The following GPC6 variants were observed in gnomAD, a reference collection of about 807,000 sequenced individuals.
GPC6 encodes glypican-6.
GPC6 carries 14 observed loss-of-function variants against 55.2 expected under a neutral mutation model. That is an observed-to-expected ratio of 0.25 (90% CI 0.17 to 0.40). The LOEUF is 0.40. Ranked by LOEUF, GPC6 falls within the 10% of genes least tolerant of loss-of-function variation. The pLI is 1.00. For missense variants in GPC6, 641 were observed against 708.5 expected (o/e 0.90, Z 1.08); for synonymous variants, 278 against 259.6 (o/e 1.07, Z -0.68).
chr13:93,440,770 G>A (rs1426058132), intron 1 of GPC6, among the ~76,000 whole-genome samples: 1 of 151,936 alleles, frequency 6.6e-6, no homozygotes, highest in Non-Finnish European at 1.5e-5. Context: ...ATGTATACAT[G>A]TGCAATGTTG....
At chr13:94,391,860 A>AT (rs1880660679) in intron 7 of GPC6, among the ~76,000 whole-genome samples, 1 of 152,128 alleles carries the variant, frequency 6.6e-6, no homozygotes, top group South Asian at 2.1e-4. Context: ...GAATTTGCCT[A>AT]TTTTAGGTAC....
intron 1 of GPC6, among the ~76,000 whole-genome samples, chr13:93,465,089 G>T (rs780967294): frequency 7.2e-5 from 11 of 152,150 alleles, no homozygotes; most frequent in Non-Finnish European, 5.9e-5. Context: ...AGTAAACTGT[G>T]CTGTAAAACA....
At position 94,187,121 on chromosome 13, in the gene GPC6, G is replaced by A. The variant is rs914636825; in HGVS notation, c.878-99228G>A. The A allele has an allele frequency of 5.3e-5, 8 of 152,186 alleles. 1 individual carries two copies. The highest frequency in any genetic ancestry group is 1.4e-4 in the African/African-American group (6 of 41,452). The allele number at this position is 152,186 out of a possible 1,614,324, so 9.4% of individuals were successfully genotyped here. A position where few individuals can be genotyped will look rare whatever the true frequency, so the allele number is the denominator to read the frequency against. ...TCTCCTTTTATTTCAGATGAAAACT[G>A]ATGACAGGGAAAGAGCCCAGGAAGA... On this transcript the variant is annotated intron_variant, in intron 4 of 8. Coordinates refer to ENST00000377047, the MANE Select transcript of GPC6 (RefSeq NM_005708.5).
intron 5 of GPC6, among the ~76,000 whole-genome samples, chr13:94,287,815 C>T (rs567520512): frequency 6.6e-6 from 1 of 152,126 alleles, no homozygotes; most frequent in Non-Finnish European, 1.5e-5. Flanking sequence ...CACGGTATCC[C>T]GTTGGTGCTC....
intron 4 of GPC6, among the ~76,000 whole-genome samples, chr13:94,231,188 C>T (rs921972555): frequency 6.6e-6 from 1 of 152,040 alleles, no homozygotes; most frequent in Non-Finnish European, 1.5e-5. Flanking sequence ...TAAACACTGC[C>T]GTGTTCACAT....
intron 3 of GPC6, among the ~76,000 whole-genome samples, chr13:93,876,927 C>A (rs139266708): frequency 6.6e-6 from 1 of 152,128 alleles, no homozygotes; most frequent in East Asian, 1.9e-4. Flanking sequence ...ACTCACCATA[C>A]GTTCCTCTTG....
intron 5 of GPC6, among the ~76,000 whole-genome samples, chr13:94,293,138 C>A (rs187474911): frequency 2.4e-4 from 36 of 152,258 alleles, no homozygotes; most frequent in African/African-American, 8.7e-4. Flanking sequence ...ACCATGGTTA[C>A]CCTTGGTTGA....
At chr13:93,419,908 A>G (rs1257220626) in intron 1 of GPC6, among the ~76,000 whole-genome samples, 2 of 152,130 alleles carry the variant, frequency 1.3e-5, no homozygotes, top group Non-Finnish European at 1.5e-5. Context: ...TTATATTGGG[A>G]GGGAAAGAGA....
chr13:94,378,555 G>T (rs1880008657), intron 6 of GPC6, among the ~76,000 whole-genome samples: 1 of 152,098 alleles, frequency 6.6e-6, no homozygotes, highest in Non-Finnish European at 1.5e-5. Context: ...CTTTTGACAG[G>T]TCTTAAACTA....
intron 3 of GPC6, among the ~76,000 whole-genome samples, chr13:93,933,478 G>C (rs116957959): frequency 6.6e-6 from 1 of 152,002 alleles, no homozygotes; most frequent in African/African-American, 2.4e-5. Context: ...AAGTGGCCTC[G>C]GACAGGTCAT....
At chr13:93,461,298 T>C (rs1878676200) in intron 1 of GPC6, among the ~76,000 whole-genome samples, 1 of 152,178 alleles carries the variant, frequency 6.6e-6, no homozygotes, top group South Asian at 2.1e-4. Flanking sequence ...TTTAACAAAT[T>C]ATTTAGGAAT....
At chr13:93,477,363 C>CAAGG (rs1879338604) in intron 1 of GPC6, among the ~76,000 whole-genome samples, 1 of 152,018 alleles carries the variant, frequency 6.6e-6, no homozygotes, top group South Asian at 2.1e-4. Flanking sequence ...AAAGGAAGAT[C>CAAGG]CCTCTTGACT....
chr13:93,827,927 A>C (rs1408120945), intron 2 of GPC6, among the ~76,000 whole-genome samples: 6 of 152,154 alleles, frequency 3.9e-5, no homozygotes, highest in Admixed American at 3.3e-4. Context: ...TACCCTCAGT[A>C]AAAGAGAAAA....
At chr13:93,990,303 C>T (rs1337479787) in intron 3 of GPC6, among the ~76,000 whole-genome samples, 2 of 151,616 alleles carry the variant, frequency 1.3e-5, no homozygotes, top group African/African-American at 4.9e-5. Flanking sequence ...CCTTCATGTG[C>T]AGTGAAATTT....
At chr13:93,723,509 G>A (rs557459574) in intron 2 of GPC6, among the ~76,000 whole-genome samples, 9 of 152,086 alleles carry the variant, frequency 5.9e-5, no homozygotes, top group African/African-American at 2.2e-4. Context: ...TCAGATAACT[G>A]CAGCTTGGCG....
At chr13:93,217,845 C>T in the GPC6 span, among the ~76,000 whole-genome samples, 1 of 152,124 alleles carries the variant, frequency 6.6e-6, no homozygotes, top group African/African-American at 2.4e-5. Context: ...TCCTCCTGTA[C>T]AGTAAAGACA....
At chr13:94,028,048 T>G (rs1331526787) in intron 4 of GPC6, among the ~76,000 whole-genome samples, 154 bp downstream of exon 4, 1 of 152,162 alleles carries the variant, frequency 6.6e-6, no homozygotes, top group African/African-American at 2.4e-5. Context: ...ATGGATTGCT[T>G]GAGCCCAGGA....
intron 4 of GPC6, among the ~76,000 whole-genome samples, chr13:94,184,108 C>G (rs530265074): frequency 6.2e-4 from 95 of 152,142 alleles, no homozygotes; most frequent in Non-Finnish European, 1.0e-3. Flanking sequence ...TTACCTTTCA[C>G]CATATACAGA....
chr13:93,901,216 G>A (rs1418910456), intron 3 of GPC6, among the ~76,000 whole-genome samples: 1 of 152,058 alleles, frequency 6.6e-6, no homozygotes, highest in Non-Finnish European at 1.5e-5. Flanking sequence ...TTCAAATTAT[G>A]CAAAATATAT....
Sources: gnomAD v4.1 joint callset for allele counts (sites outside exome capture counted in the v4.1 genomes callset) on GRCh38, gnomAD v4.1.1 for gene constraint, MANE v1.5 for transcripts, NCBI Gene and HGNC (gene_info 2026-07-23, HGNC 2026-07-21) for gene names.